ARHGAP24: variants seen among roughly 807,000 people sequenced by gnomAD.
The protein encoded by ARHGAP24 is Rho GTPase activating protein 24.
Under a neutral mutation model 76.4 loss-of-function variants are expected in ARHGAP24, and 50 were observed. The ratio of observed to expected loss-of-function variants is 0.65; its 90% CI spans 0.52 to 0.83. The LOEUF (loss-of-function observed/expected upper bound fraction) is 0.83. ARHGAP24 is among the 40% of genes least tolerant of loss of function. ARHGAP24 has a pLI of 0.00. For synonymous variants in ARHGAP24, 345 were observed against 323.3 expected (o/e 1.07, Z -0.72); for missense variants, 930 against 914.2 (o/e 1.02, Z -0.22).
chr4:85,663,112 G>A (rs1262680002), intron 2 of ARHGAP24, among the ~76,000 whole-genome samples: 9 of 151,594 alleles, frequency 5.9e-5, no homozygotes, highest in Non-Finnish European at 1.0e-4. Flanking sequence ...CTCGGGCAGT[G>A]TGGCCATTTT....
At chr4:85,957,365 A>G (rs544707249) in intron 5 of ARHGAP24, among the ~76,000 whole-genome samples, 29 of 152,284 alleles carry the variant, frequency 1.9e-4, no homozygotes, top group Middle Eastern at 3.4e-3. Context: ...CATAAGCACA[A>G]TGACAAGAAC....
rs112747741 is a variant in ARHGAP24 at position 85,851,640 on chromosome 4, C to T, written c.269-72008C>T. On this transcript the variant is annotated intron_variant, in intron 3 of 9. Transcript: ENST00000395184. ...CCTTCAGGAGCTCTTGTAAGGCAGG[C>T]CTGGTGGTGACAAAATCTCTCAGGA... Among the ~76,000 whole-genome samples the T allele has an allele frequency of 7.5e-3, 1,135 of 152,182 alleles. 10 individuals carry two copies. The highest frequency in any genetic ancestry group is 0.026 in the African/African-American group (1,076 of 41,508).
intron 5 of ARHGAP24, among the ~76,000 whole-genome samples, chr4:85,948,995 G>A (rs1578421745): frequency 6.6e-6 from 1 of 152,108 alleles, no homozygotes; most frequent in Non-Finnish European, 1.5e-5. Flanking sequence ...ACAAATAAAA[G>A]AAGCCAATTA....
At chr4:85,685,818 A>C (rs1426026271) in intron 2 of ARHGAP24, among the ~76,000 whole-genome samples, 1 of 152,216 alleles carries the variant, frequency 6.6e-6, no homozygotes, top group African/African-American at 2.4e-5. Context: ...TTAAAACAAC[A>C]ACCATTGTAT....
rs1366592755 is a variant in ARHGAP24, at chr4:85,769,467, C to CA, written c.268+47501dup. Among the ~76,000 whole-genome samples, 20 of 151,592 alleles carry CA rather than the reference C, an allele frequency of 1.3e-4. No individual in the cohort carries two copies. The South Asian group carries it at 2.3e-3, about 17-fold the overall frequency. On this transcript the variant is annotated intron_variant, in intron 3 of 9. Transcript: ENST00000395184. Reference sequence around the variant, plus strand: ...ATGTCAACAAGTTTAGTAAATATGGCAAAAAATGGAATAAAGAAAGATAAT... The same window carrying CA: ...ATGTCAACAAGTTTAGTAAATATGGCAAAAAAATGGAATAAAGAAAGATAAT...
At chr4:85,709,523 A>T (rs967644922) in intron 2 of ARHGAP24, among the ~76,000 whole-genome samples, 1 of 152,202 alleles carries the variant, frequency 6.6e-6, no homozygotes, top group African/African-American at 2.4e-5. Context: ...AGCCATCATC[A>T]TAACCAGTGA....
chr4:85,583,759 A>C (rs546926330), intron 2 of ARHGAP24, among the ~76,000 whole-genome samples: 1,717 of 150,022 alleles, frequency 0.011, 19 homozygotes, highest in African/African-American at 0.024. Flanking sequence ...AAAAAAAAAA[A>C]CCCCATCAAA....
chr4:85,670,539 T>G (rs527279204), intron 2 of ARHGAP24, among the ~76,000 whole-genome samples: 1 of 152,206 alleles, frequency 6.6e-6, no homozygotes, highest in Non-Finnish European at 1.5e-5. Flanking sequence ...TTCTGTCCTC[T>G]GTCTTCTCTT....
At chr4:85,754,304 T>C (rs998479582) in intron 3 of ARHGAP24, among the ~76,000 whole-genome samples, 1 of 152,240 alleles carries the variant, frequency 6.6e-6, no homozygotes, top group Non-Finnish European at 1.5e-5. Context: ...TGTACAGATA[T>C]CACATTTTCT....
intron 2 of ARHGAP24, among the ~76,000 whole-genome samples, chr4:85,614,970 A>G (rs1466847094): frequency 6.6e-6 from 1 of 152,060 alleles, no homozygotes; most frequent in East Asian, 1.9e-4. Context: ...TCATGTGCCT[A>G]TATCAAGAAA....
At chr4:85,744,287 G>A (rs1019809643) in intron 3 of ARHGAP24, among the ~76,000 whole-genome samples, 1 of 152,180 alleles carries the variant, frequency 6.6e-6, no homozygotes, top group African/African-American at 2.4e-5. Context: ...CAATCCTGGA[G>A]AGGCAAGGAG....
rs1454277371 is a variant in ARHGAP24 at position 85,655,511 on chromosome 4, G to A, written c.181-66374G>A. Among the ~76,000 whole-genome samples, 7 of 127,160 alleles carry A rather than the reference G, an allele frequency of 5.5e-5. No homozygotes were observed. The East Asian group carries it at 3.4e-3, about 62-fold the overall frequency. The allele number at this position is 127,160 out of a possible 152,430, so 83.4% of individuals were successfully genotyped here. On this transcript the variant is annotated intron_variant, in intron 2 of 9. Transcript: ENST00000395184. ...AAAATGAAAGTTTGGGGCCAGGCAC[G>A]GTGGCCATGCCTGTAACCCCGGCAC...
chr4:85,775,254 A>T (rs969038272), intron 3 of ARHGAP24, among the ~76,000 whole-genome samples: 1 of 152,144 alleles, frequency 6.6e-6, no homozygotes, highest in Non-Finnish European at 1.5e-5. Context: ...TGATGAGAAG[A>T]TCATTCTGTG....
At chr4:85,765,163 A>T (rs1726880858) in intron 3 of ARHGAP24, among the ~76,000 whole-genome samples, 1 of 152,136 alleles carries the variant, frequency 6.6e-6, no homozygotes, top group Non-Finnish European at 1.5e-5. Context: ...AATACACTAG[A>T]TATGCTACAA....
rs542265798 is a variant in ARHGAP24 at position 85,809,482 on chromosome 4, A to G, written c.268+87510A>G. ...AGAATTACCTTATTCCATTCAAGGC[A>G]TAGACACTTCCAAAATGTTATAATA... On this transcript the variant is annotated intron_variant, in intron 3 of 9. Coordinates refer to ENST00000395184, the MANE Select transcript of ARHGAP24 (RefSeq NM_001025616.3). Among the ~76,000 whole-genome samples the G allele has an allele frequency of 8.8e-4, 134 of 152,344 alleles. 1 individual carries two copies. Among genetic ancestry groups the G allele is most frequent in the Non-Finnish European group, 1.6e-3 (112 of 68,032 alleles).
At chr4:85,558,553 CAA>C (rs984252096) in intron 1 of ARHGAP24, among the ~76,000 whole-genome samples, 16 of 151,794 alleles carry the variant, frequency 1.1e-4, no homozygotes, top group African/African-American at 3.9e-4. Context: ...TTCACTTTGA[CAA>C]AAGTTTTTCC....
Position 85,504,532 on chromosome 4 carries a change from G to A in ARHGAP24, c.-21+28973G>A, listed in dbSNP as rs201110940. Among the ~76,000 whole-genome samples, 9 of 152,214 alleles carry A rather than the reference G, an allele frequency of 5.9e-5. No homozygotes were observed. The East Asian group carries it at 1.7e-3, about 29-fold the overall frequency. ...TTAAAGTCTGTTTTATCAGAGACTA[G>A]GATTGCAACCCCTGCCTTTTTTTGT... On this transcript the variant is annotated intron_variant, in intron 1 of 9. Coordinates refer to ENST00000395184, the MANE Select transcript of ARHGAP24 (RefSeq NM_001025616.3).
At chr4:85,981,005 A>G (rs2148859777) in intron 8 of ARHGAP24, among the ~76,000 whole-genome samples, 1 of 152,328 alleles carries the variant, frequency 6.6e-6, no homozygotes, top group Non-Finnish European at 1.5e-5. Context: ...GAACAGTAAA[A>G]TATATTAATT....
At chr4:85,606,563 G>A (rs1241416071) in intron 2 of ARHGAP24, among the ~76,000 whole-genome samples, 2 of 151,318 alleles carry the variant, frequency 1.3e-5, no homozygotes, top group East Asian at 1.9e-4. Flanking sequence ...TTTTAAGATC[G>A]AAGTATAGTC....
Sources: allele counts gnomAD v4.1 joint callset (sites outside exome capture counted in the v4.1 genomes callset), GRCh38; gene constraint gnomAD v4.1.1; transcripts MANE v1.5; gene names NCBI Gene and HGNC (gene_info 2026-07-23, HGNC 2026-07-21).